Variants in KIF16B observed in about 807,000 individuals in gnomAD.
The protein encoded by KIF16B is kinesin family member 16B.
Under a neutral mutation model 156.3 loss-of-function variants are expected in KIF16B, and 98 were observed. The ratio of observed to expected loss-of-function variants is 0.63; its 90% CI spans 0.53 to 0.74. The LOEUF (loss-of-function observed/expected upper bound fraction) is 0.74, where lower values mean the gene tolerates loss of function less well. KIF16B is among the 30% of genes least tolerant of loss of function. The probability of loss-of-function intolerance (pLI) is 0.00; values close to 1 mark genes in which losing one functional copy is unlikely to be tolerated. For synonymous variants in KIF16B, 564 were observed against 583.7 expected (o/e 0.97, Z 0.49); for missense variants, 1,421 against 1,606.5 (o/e 0.88, Z 1.97).
intron 22 of KIF16B, among the ~76,000 whole-genome samples, chr20:16,370,217 A>G (rs1203379040): frequency 2.0e-5 from 3 of 152,202 alleles, no homozygotes; most frequent in Non-Finnish European, 4.4e-5. Flanking sequence ...TTTCCTTTAT[A>G]CTACTACCAA....
At chr20:16,532,296 C>T (rs1226311149) in intron 1 of KIF16B, among the ~76,000 whole-genome samples, 1 of 152,146 alleles carries the variant, frequency 6.6e-6, no homozygotes, top group Non-Finnish European at 1.5e-5. Flanking sequence ...GGGGTAACAT[C>T]TTGGCCAGCT....
chr20:16,339,142 G>A lies in KIF16B; in HGVS notation c.3622-3127C>T, dbSNP rs540936637. Among the ~76,000 whole-genome samples the A allele has an allele frequency of 1.2e-4, 19 of 152,122 alleles. 1 individual carries two copies. The South Asian group carries it at 2.7e-3, about 22-fold the overall frequency. The stretch of plus-strand genomic sequence containing the variant: ...AGGAGAGGAGAAAATTGTTAATTGC[G>A]GTGTCTTTCAGAAATCTACTCACCA... On this transcript the variant is annotated intron_variant, in intron 23 of 25. Transcript: ENST00000354981.
intron 1 of KIF16B, among the ~76,000 whole-genome samples, chr20:16,539,067 CTT>C (rs1251627278): frequency 6.6e-6 from 1 of 152,012 alleles, no homozygotes; most frequent in Admixed American, 6.6e-5. Context: ...AATTTAACCT[CTT>C]GTCTTATAAA....
chr20:16,511,711 T>G (rs1443527180), intron 5 of KIF16B, among the ~76,000 whole-genome samples, 184 bp from the exon 6 acceptor site: 1 of 152,130 alleles, frequency 6.6e-6, no homozygotes, highest in Non-Finnish European at 1.5e-5. Flanking sequence ...TCTTGGAAAG[T>G]GCAACTTTAA....
chr20:16,566,336 G>A (rs1476718831), intron 1 of KIF16B, among the ~76,000 whole-genome samples: 1 of 152,182 alleles, frequency 6.6e-6, no homozygotes, highest in African/African-American at 2.4e-5. Flanking sequence ...GAAAGTCAGG[G>A]AGATAATAAT....
chr20:16,440,198 C>T (rs147251772), intron 12 of KIF16B, among the ~76,000 whole-genome samples: 50 of 152,150 alleles, frequency 3.3e-4, no homozygotes, highest in Non-Finnish European at 6.5e-4. Context: ...CAGTGAGAGC[C>T]AAACTATTAA....
At chr20:16,486,017 CAG>C in intron 12 of KIF16B, among the ~76,000 whole-genome samples, 1 of 152,194 alleles carries the variant, frequency 6.6e-6, no homozygotes, top group African/African-American at 2.4e-5. Flanking sequence ...CTTCAAATAT[CAG>C]AGATTCTGGG....
At chr20:16,289,141 C>G (rs533599658) in intron 25 of KIF16B, among the ~76,000 whole-genome samples, 1 of 152,074 alleles carries the variant, frequency 6.6e-6, no homozygotes, top group Non-Finnish European at 1.5e-5. Context: ...AACAAAAAGT[C>G]TAGTTAGTGT....
chr20:16,466,369 A>C (rs992816046), intron 12 of KIF16B, among the ~76,000 whole-genome samples: 1 of 152,214 alleles, frequency 6.6e-6, no homozygotes, highest in Non-Finnish European at 1.5e-5. Context: ...ACAAGTGGTG[A>C]TATGGTTTGG....
chr20:16,502,346 C>G (rs1044319153), intron 10 of KIF16B, among the ~76,000 whole-genome samples: 1 of 152,096 alleles, frequency 6.6e-6, no homozygotes, highest in African/African-American at 2.4e-5. Context: ...TTTAAGAACA[C>G]CTGCTGTTTT....
intron 2 of KIF16B, 42 bp downstream of exon 2, chr20:16,528,329 A>T (rs766795359): frequency 1.4e-6 from 2 of 1,471,096 alleles, no homozygotes; most frequent in Admixed American, 1.7e-5. Flanking sequence ...TAAAGCAATC[A>T]TGGGGCTCTT....
At chr20:16,430,573 T>C (rs2066470352) in intron 12 of KIF16B, among the ~76,000 whole-genome samples, 1 of 152,180 alleles carries the variant, frequency 6.6e-6, no homozygotes, top group Admixed American at 6.5e-5. Context: ...AATTTCTCTG[T>C]GCCTTTTAGA....
At chr20:16,312,310 AG>A in intron 25 of KIF16B, 24 bp downstream of exon 25, 1 of 1,548,902 alleles carries the variant, frequency 6.5e-7, no homozygotes, top group Admixed American at 1.7e-5. Flanking sequence ...ACATACACAG[AG>A]GAAAAACAGC....
At chr20:16,502,001 T>C (rs2068640687) in intron 10 of KIF16B, among the ~76,000 whole-genome samples, 1 of 152,144 alleles carries the variant, frequency 6.6e-6, no homozygotes, top group South Asian at 2.1e-4. Flanking sequence ...TGGGGGATAA[T>C]ACGTCAATAA....
chr20:16,406,554 G>T, intron 15 of KIF16B, 98 bp from the exon 16 acceptor site: 1 of 1,030,634 alleles, frequency 9.7e-7, no homozygotes, highest in Non-Finnish European at 1.5e-6. Flanking sequence ...GTAATTTCCA[G>T]TGTATTATAA....
chr20:16,291,000 TAAAAAA>T (rs941178624), intron 25 of KIF16B, among the ~76,000 whole-genome samples: 2 of 151,972 alleles, frequency 1.3e-5, no homozygotes, highest in African/African-American at 4.8e-5. Context: ...GGCTAGGAGC[TAAAAAA>T]GAAAAAGAAA....
chr20:16,276,293 T>C (rs1159326423), intron 25 of KIF16B, among the ~76,000 whole-genome samples: 1 of 152,206 alleles, frequency 6.6e-6, no homozygotes, highest in Non-Finnish European at 1.5e-5. Flanking sequence ...GTTAAAAATA[T>C]AAATGAAAGG....
intron 22 of KIF16B, among the ~76,000 whole-genome samples, chr20:16,365,545 A>G (rs1296173689): frequency 6.6e-6 from 1 of 152,210 alleles, no homozygotes; most frequent in East Asian, 1.9e-4. Context: ...GGATCGTAAC[A>G]CATTCTCCAA....
chr20:16,519,817 G>A (rs1361888145), intron 3 of KIF16B, among the ~76,000 whole-genome samples: 1 of 152,152 alleles, frequency 6.6e-6, no homozygotes, highest in African/African-American at 2.4e-5. Flanking sequence ...TGAAGTACCC[G>A]GCTGGCTCAT....
Sources: allele counts gnomAD v4.1 joint callset (sites outside exome capture counted in the v4.1 genomes callset), GRCh38; gene constraint gnomAD v4.1.1; transcripts MANE v1.5; gene names NCBI Gene and HGNC (gene_info 2026-07-23, HGNC 2026-07-21).